Variants in ADAM12 observed in about 807,000 individuals in gnomAD.
ADAM12 encodes ADAM metallopeptidase domain 12, also known as disintegrin and metalloproteinase domain-containing protein 12.
ADAM12 carries 70 observed loss-of-function variants against 106.4 expected under a neutral mutation model. The observed-to-expected ratio is 0.66, with a 90% CI of 0.54 to 0.80. ADAM12 has a LOEUF of 0.80. Ranked by LOEUF, ADAM12 falls within the 30% of genes least tolerant of loss-of-function variation. The pLI is 0.00. For missense variants in ADAM12, 1,010 were observed against 1,171.9 expected, an observed-to-expected ratio of 0.86 and a Z score of 2.02; for synonymous variants, 420 against 433.5, an observed-to-expected ratio of 0.97 and a Z score of 0.39.
At chr10:126,121,172 T>C (rs866349248) in intron 5 of ADAM12, among the ~76,000 whole-genome samples, 41 of 97,188 alleles carry the variant, frequency 4.2e-4, no homozygotes, top group Admixed American at 4.4e-4. Flanking sequence ...ATACTATATA[T>C]ACTATATACA....
At chr10:126,195,593 CA>C (rs1485986785) in intron 3 of ADAM12, among the ~76,000 whole-genome samples, 1 of 152,004 alleles carries the variant, frequency 6.6e-6, no homozygotes, top group Non-Finnish European at 1.5e-5. Flanking sequence ...AAAACAAGAA[CA>C]AAAACAAAAA....
intron 2 of ADAM12, among the ~76,000 whole-genome samples, chr10:126,295,618 G>T (rs996785672): frequency 6.7e-6 from 1 of 149,922 alleles, no homozygotes; most frequent in African/African-American, 2.5e-5. Context: ...CTCATAAGAA[G>T]TTCATCCAAA....
intron 3 of ADAM12, among the ~76,000 whole-genome samples, chr10:126,272,008 G>A (rs969766402): frequency 2.6e-5 from 4 of 152,086 alleles, no homozygotes; most frequent in African/African-American, 9.7e-5. Flanking sequence ...CTCCTTGACT[G>A]GGCTCTTCCC....
At chr10:126,300,383 A>G (rs572305404) in intron 2 of ADAM12, among the ~76,000 whole-genome samples, 3 of 152,320 alleles carry the variant, frequency 2.0e-5, no homozygotes, top group Admixed American at 6.5e-5. Flanking sequence ...GGGGCTCTGC[A>G]GCCAGACCAC....
At chr10:126,214,913 G>A (rs895114425) in intron 3 of ADAM12, among the ~76,000 whole-genome samples, 1 of 152,130 alleles carries the variant, frequency 6.6e-6, no homozygotes, top group Non-Finnish European at 1.5e-5. Context: ...AGGCCTCCAC[G>A]CCTCATCCCT....
chr10:126,297,291 C>T (rs1176933156), intron 2 of ADAM12, among the ~76,000 whole-genome samples: 2 of 152,140 alleles, frequency 1.3e-5, no homozygotes, highest in African/African-American at 4.8e-5. Flanking sequence ...GCCTGTAATC[C>T]CAGCACTTTG....
chr10:126,123,418 G>C (rs1457613630), intron 5 of ADAM12, among the ~76,000 whole-genome samples: 1 of 152,236 alleles, frequency 6.6e-6, no homozygotes, highest in East Asian at 1.9e-4. Flanking sequence ...AAGATGAGAA[G>C]AAAGTCTCCA....
chr10:126,312,730 T>A (rs552866500), intron 2 of ADAM12, among the ~76,000 whole-genome samples: 1 of 152,286 alleles, frequency 6.6e-6, no homozygotes, highest in East Asian at 1.9e-4. Context: ...ACTTTGCCCT[T>A]CTTCAGCAGC....
At chr10:126,109,131 C>T (rs911665197) in intron 7 of ADAM12, among the ~76,000 whole-genome samples, 4 of 152,234 alleles carry the variant, frequency 2.6e-5, no homozygotes, top group African/African-American at 9.6e-5. Flanking sequence ...CCATTCCCCT[C>T]TCTAATCTGA....
intron 1 of ADAM12, among the ~76,000 whole-genome samples, chr10:126,387,185 A>G (rs967104982): frequency 6.6e-6 from 1 of 152,218 alleles, no homozygotes; most frequent in Non-Finnish European, 1.5e-5. Context: ...GGCGGCAGAA[A>G]GAAGGCGGCG....
intron 18 of ADAM12, chr10:126,042,139 AGT>A: frequency 6.2e-7 from 1 of 1,613,526 alleles, no homozygotes; most frequent in Non-Finnish European, 8.5e-7. Context: ...GGCTCAGATG[AGT>A]GTCAGTGAGG....
chr10:126,339,760 G>C (rs1854851109), intron 1 of ADAM12, among the ~76,000 whole-genome samples: 1 of 151,960 alleles, frequency 6.6e-6, no homozygotes, highest in Non-Finnish European at 1.5e-5. Flanking sequence ...CAGAAGTCCA[G>C]GTGGTAGACA....
At chr10:126,335,427 C>G (rs1019546898) in intron 1 of ADAM12, among the ~76,000 whole-genome samples, 1 of 152,130 alleles carries the variant, frequency 6.6e-6, no homozygotes, top group African/African-American at 2.4e-5. Context: ...AGCCATTTGC[C>G]AAGAAGCCAG....
intron 11 of ADAM12, among the ~76,000 whole-genome samples, chr10:126,083,669 C>G (rs1382202779): frequency 6.6e-6 from 1 of 152,218 alleles, no homozygotes; most frequent in Non-Finnish European, 1.5e-5. Context: ...TCGTGCACAC[C>G]TGAGGAGGGC....
intron 11 of ADAM12, among the ~76,000 whole-genome samples, chr10:126,077,284 C>A (rs1411467209): frequency 6.6e-6 from 1 of 152,144 alleles, no homozygotes; most frequent in Non-Finnish European, 1.5e-5. Flanking sequence ...ATATTCCATG[C>A]TCATGGATTG....
intron 2 of ADAM12, among the ~76,000 whole-genome samples, chr10:126,323,640 C>T (rs1433385266): frequency 6.6e-6 from 1 of 152,212 alleles, no homozygotes; most frequent in Non-Finnish European, 1.5e-5. Context: ...AGAGCTGTGG[C>T]TGCTGCCCTG....
intron 1 of ADAM12, among the ~76,000 whole-genome samples, chr10:126,360,965 G>A (rs1855721409): frequency 6.6e-6 from 1 of 152,210 alleles, no homozygotes; most frequent in Non-Finnish European, 1.5e-5. Context: ...AGCAAGTCAT[G>A]TCTTACACAG....
intron 3 of ADAM12, among the ~76,000 whole-genome samples, chr10:126,245,991 A>G (rs773426310): frequency 6.2e-4 from 95 of 152,134 alleles, no homozygotes; most frequent in Non-Finnish European, 1.2e-3. Flanking sequence ...AAGACAGAGA[A>G]AATAGTTGGA....
chr10:126,173,094 T>G (rs973732460), intron 3 of ADAM12, among the ~76,000 whole-genome samples: 4 of 152,030 alleles, frequency 2.6e-5, no homozygotes, highest in Non-Finnish European at 5.9e-5. Flanking sequence ...CATCACACAC[T>G]GGGGCCTGTC....
Sources: allele counts gnomAD v4.1 joint callset (sites outside exome capture counted in the v4.1 genomes callset), GRCh38; gene constraint gnomAD v4.1.1; transcripts MANE v1.5; gene names NCBI Gene and HGNC (gene_info 2026-07-23, HGNC 2026-07-21).